The following RNF157 variants were observed in gnomAD, a reference collection of about 807,000 sequenced individuals.
RNF157 encodes ring finger protein 157.
A neutral mutation model predicts 88.3 loss-of-function variants in RNF157; 55 were observed. The observed-to-expected ratio is 0.62, with a 90% CI of 0.50 to 0.78. The LOEUF is 0.78. Ranked by LOEUF, RNF157 falls within the 30% of genes least tolerant of loss-of-function variation. The probability of loss-of-function intolerance (pLI) is 0.00; values close to 1 mark genes in which losing one functional copy is unlikely to be tolerated. For synonymous variants in RNF157, 334 were observed against 341.2 expected (o/e 0.98, Z 0.23); for missense variants, 788 against 860.8 (o/e 0.92, Z 1.06).
intron 2 of RNF157, among the ~76,000 whole-genome samples, chr17:76,211,370 C>G (rs965857824): frequency 1.8e-4 from 27 of 152,352 alleles, no homozygotes; most frequent in African/African-American, 5.5e-4. Flanking sequence ...GCAACCTGCC[C>G]TTGCCATTGT....
At chr17:76,165,152 T>C (rs998521475) in intron 7 of RNF157, among the ~76,000 whole-genome samples, 2 of 152,190 alleles carry the variant, frequency 1.3e-5, no homozygotes, top group African/African-American at 4.8e-5. Flanking sequence ...AGGCATCCAC[T>C]GGGGGTCTTG....
rs528027739 is a variant in RNF157 at position 76,238,063 on chromosome 17, G to A, written c.88+2090C>T. Among the ~76,000 whole-genome samples the A allele has an allele frequency of 2.0e-4, 30 of 150,434 alleles. No homozygotes were observed. The South Asian group carries it at 5.5e-3, about 27-fold the overall frequency. On this transcript the variant is annotated intron_variant, in intron 1 of 18. Transcript: ENST00000269391. ...TGCACCACTTCATTCCAGCCTGGGC[G>A]TGACAGAGAGAGACGATGACTCAAA...
chr17:76,232,066 G>C (rs1173459999), intron 1 of RNF157, among the ~76,000 whole-genome samples: 3 of 152,100 alleles, frequency 2.0e-5, no homozygotes, highest in Non-Finnish European at 4.4e-5. Flanking sequence ...TGTATAGCAT[G>C]TATCAGTAGT....
chr17:76,214,741 A>G (rs1220044400), intron 1 of RNF157, among the ~76,000 whole-genome samples: 6 of 152,154 alleles, frequency 3.9e-5, no homozygotes, highest in Non-Finnish European at 1.5e-5. Context: ...ATCAGCCAGG[A>G]GGCAGAAATA....
At chr17:76,154,793 C>A in intron 16 of RNF157, 1 of 238,472 alleles carries the variant, frequency 4.2e-6, no homozygotes, top group South Asian at 6.5e-5. Flanking sequence ...CAGGGCACGT[C>A]TCACACTGAA....
chr17:76,193,031 C>T (rs1382396900), intron 2 of RNF157, among the ~76,000 whole-genome samples: 1 of 152,084 alleles, frequency 6.6e-6, no homozygotes, highest in African/African-American at 2.4e-5. Flanking sequence ...GTTTCCCAGG[C>T]TGGTCTCAAA....
intron 3 of RNF157, among the ~76,000 whole-genome samples, chr17:76,168,754 G>A (rs1196921943): frequency 6.6e-6 from 1 of 152,154 alleles, no homozygotes; most frequent in Non-Finnish European, 1.5e-5. Context: ...GGTGGAGCAC[G>A]TGTCCTGCCA....
At position 76,161,983 on chromosome 17, in the gene RNF157, C is replaced by T. The variant is rs748972693; in HGVS notation, c.812G>A (p.Ser271Asn). Residue 271 changes from serine to asparagine, a missense_variant, in exon 10 of 19, where the codon AGT (serine) becomes AAT (asparagine). By Grantham distance (46) the Ser-to-Asn change is conservative. Transcript: ENST00000269391. The surrounding 1 kb of genome is among the most constrained non-coding windows in gnomAD (Gnocchi z 4.6). ...CACCACACACTCGGCACTGTTATCA[C>T]TCACTTCGTCTTCAGCCACCTGGCC... ...QDSKVAEDEV[S>N]DNSAECVVCL... 6.3e-5 allele frequency: 101 copies of T among 1,613,820 alleles called. No individual in the cohort carries two copies. The highest frequency in any genetic ancestry group is 8.0e-5 in the Non-Finnish European group (94 of 1,179,834).
intron 13 of RNF157, among the ~76,000 whole-genome samples, chr17:76,156,814 G>A (rs372746502): frequency 3.9e-5 from 6 of 152,020 alleles, no homozygotes; most frequent in South Asian, 4.1e-4. Flanking sequence ...CCCCACCTCC[G>A]ATCCCAGCCC....
At chr17:76,174,369 G>C (rs1005955353) in intron 2 of RNF157, among the ~76,000 whole-genome samples, 1 of 152,146 alleles carries the variant, frequency 6.6e-6, no homozygotes. Context: ...GTCACCAAAG[G>C]TTTATGGTTG....
At position 76,240,191 on chromosome 17, in the gene RNF157, A is replaced by G; in HGVS notation, c.50T>C (p.Ile17Thr). 7.1e-7 allele frequency: 1 copy of G among 1,412,644 alleles called. No homozygotes were observed. Among genetic ancestry groups the G allele is most frequent in the African/African-American group, 1.5e-5 (1 of 68,360 alleles). 87.5% of individuals were successfully genotyped at this position (1,412,644 alleles called of 1,614,324 possible). ...GTAGCGGTACACGGAATTAGACGGGATGTCCACCTCCTCCACGCCCGCGTG... is the reference window on the plus strand; with the variant it reads ...GTAGCGGTACACGGAATTAGACGGGGTGTCCACCTCCTCCACGCCCGCGTG... ...RQHAGVEEVD[I>T]PSNSVYRYPP... Residue 17 changes from isoleucine to threonine, a missense_variant, in exon 1 of 19, where the codon ATC (isoleucine) becomes ACC (threonine). Coordinates refer to ENST00000269391, the MANE Select transcript of RNF157 (RefSeq NM_052916.3). This position sits in a 1 kb window ranked among gnomAD's most constrained non-coding sequence, Gnocchi z 4.4.
intron 1 of RNF157, among the ~76,000 whole-genome samples, chr17:76,224,199 A>C (rs1202318081): frequency 1.3e-5 from 2 of 152,232 alleles, no homozygotes; most frequent in Non-Finnish European, 2.9e-5. Flanking sequence ...TTTAAAATTC[A>C]TTGTATTAAA....
At position 76,172,837 on chromosome 17, in the gene RNF157, C is replaced by T. The variant is rs149971641; in HGVS notation, c.296+865G>A. On this transcript the variant is annotated intron_variant, in intron 3 of 18. Coordinates refer to ENST00000269391, the MANE Select transcript of RNF157 (RefSeq NM_052916.3). ...TGGTAGACATATCATCTAGGGGTGG[C>T]GGGCAGTGGGAATGTATCAGACTAA... Among the ~76,000 whole-genome samples the T allele has an allele frequency of 9.3e-4, 142 of 151,872 alleles. 1 individual carries two copies. The highest frequency in any genetic ancestry group is 3.1e-3 in the African/African-American group (128 of 41,390).
chr17:76,158,539 T>C, intron 12 of RNF157, 38 bp from the exon 13 acceptor site: 1 of 1,435,618 alleles, frequency 7.0e-7, no homozygotes, highest in Non-Finnish European at 9.8e-7. Flanking sequence ...ATATCCAACG[T>C]CCATTTAAAG....
Position 76,157,771 on chromosome 17 carries a change from G to A in RNF157, c.1413+622C>T, listed in dbSNP as rs1293071560. On this transcript the variant is annotated intron_variant, in intron 13 of 18. Transcript: ENST00000269391. This position sits in a 1 kb window ranked among gnomAD's most constrained non-coding sequence, Gnocchi z 5.6. ...CCTGTGCCCTGCTGTATCTAGCTCA[G>A]TGCCCTACAGAGAGAAGCTGCATAA... Among the ~76,000 whole-genome samples the A allele has an allele frequency of 6.6e-6, 1 of 152,034 alleles. No homozygotes were observed. Among genetic ancestry groups the A allele is most frequent in the Non-Finnish European group, 1.5e-5 (1 of 68,020 alleles).
chr17:76,216,245 G>A (rs1391513399), intron 1 of RNF157, among the ~76,000 whole-genome samples: 2 of 152,116 alleles, frequency 1.3e-5, no homozygotes, highest in Admixed American at 6.6e-5. Context: ...TCAGGGGAGG[G>A]ATCTGGGGCA....
intron 2 of RNF157, among the ~76,000 whole-genome samples, chr17:76,198,509 G>C (rs72868724): frequency 6.6e-6 from 1 of 152,038 alleles, no homozygotes; most frequent in Non-Finnish European, 1.5e-5. Flanking sequence ...GCGTCCTTTG[G>C]GGGGCCTGAA....
At chr17:76,189,680 C>T (rs148123698) in intron 2 of RNF157, among the ~76,000 whole-genome samples, 6 of 152,282 alleles carry the variant, frequency 3.9e-5, no homozygotes, top group African/African-American at 1.4e-4. Flanking sequence ...CTGCAGGAAA[C>T]GGTTTCCATC....
chr17:76,156,849 C>G (rs2068772712), intron 13 of RNF157, among the ~76,000 whole-genome samples: 1 of 152,218 alleles, frequency 6.6e-6, no homozygotes, highest in South Asian at 2.1e-4. Context: ...TCTGGGTGCA[C>G]AGCCTCACCC....
Sources: gnomAD v4.1 joint callset for allele counts (sites outside exome capture counted in the v4.1 genomes callset) on GRCh38, gnomAD v4.1.1 for gene constraint, Gnocchi (gnomAD v3.1) non-coding constraint, MANE v1.5 for transcripts, NCBI Gene and HGNC (gene_info 2026-07-23, HGNC 2026-07-21) for gene names.